The following ARHGEF1 variants were observed in gnomAD, a reference collection of about 807,000 sequenced individuals.
ARHGEF1 encodes 115 kDa guanine nucleotide exchange factor.
In ARHGEF1, 40 loss-of-function variants were observed where a neutral mutation model predicts 119.7. That is an observed-to-expected ratio of 0.33 (90% confidence interval 0.26 to 0.44). The LOEUF is 0.44. Ranked by LOEUF, ARHGEF1 falls within the 20% of genes least tolerant of loss-of-function variation. The pLI is 1.00. For synonymous variants in ARHGEF1, 494 were observed against 521.0 expected, an observed-to-expected ratio of 0.95 and a Z score of 0.71; for missense variants, 976 against 1,268.3, an observed-to-expected ratio of 0.77 and a Z score of 3.50.
At chr19:41,908,559 G>A (rs1478484740), downstream of ARHGEF1, 1 of 1,231,866 alleles carries the variant, frequency 8.1e-7, no homozygotes, top group Non-Finnish European at 1.0e-6. The surrounding 1 kb of genome is among the most constrained non-coding windows in gnomAD (Gnocchi z 6.7). Flanking sequence ...GGGGTAGAGA[G>A]AGGGAGGCAG....
At chr19:41,920,040 C>T (rs528988207), upstream of ARHGEF1, among the ~76,000 whole-genome samples, 55 of 128,762 alleles carry the variant, frequency 4.3e-4, no homozygotes, top group African/African-American at 1.3e-3. Context: ...AGACATGATA[C>T]GCTCACAGAC....
chr19:41,909,189 G>GT (rs2074738554), downstream of ARHGEF1: 3 of 1,231,598 alleles, frequency 2.4e-6, no homozygotes, highest in South Asian at 8.2e-5. This position sits in a 1 kb window ranked among gnomAD's most constrained non-coding sequence, Gnocchi z 5.2. Flanking sequence ...TAGAGAGGGA[G>GT]TGGGAGAAGC....
downstream of ARHGEF1, chr19:41,910,002 C>G (rs1414146470): frequency 6.2e-7 from 1 of 1,613,674 alleles, no homozygotes; most frequent in Non-Finnish European, 8.5e-7. This position sits in a 1 kb window ranked among gnomAD's most constrained non-coding sequence, Gnocchi z 4.4. Context: ...TGGTACTCCT[C>G]CTTCTGCAGC....
At chr19:41,898,635 C>G (rs1555848490) in intron 14 of ARHGEF1, 48 bp downstream of exon 14, 3 of 1,537,048 alleles carry the variant, frequency 2.0e-6, no homozygotes, top group Non-Finnish European at 2.6e-6. Context: ...CACAGTCCAG[C>G]TCTGGCAAAG....
At chr19:41,900,516 A>G (rs1014599494) in intron 14 of ARHGEF1, among the ~76,000 whole-genome samples, 1 of 152,120 alleles carries the variant, frequency 6.6e-6, no homozygotes, top group Non-Finnish European at 1.5e-5. Context: ...GGGGACTTCT[A>G]GGGCCCCTGA....
rs782010219 is a variant in ARHGEF1 at position 41,888,152 on chromosome 19, G to A, written c.25-40G>A. ...GTGAGGCGACTCTGGGGCTGTGGGT[G>A]GAGAGTCCTGTGGACTGAAGCTGCC... On this transcript the variant is annotated intron_variant, in intron 2 of 28. Coordinates refer to ENST00000354532, the MANE Select transcript of ARHGEF1 (RefSeq NM_004706.4). This position sits in a 1 kb window ranked among gnomAD's most constrained non-coding sequence, Gnocchi z 5.1. 8 of 1,613,840 alleles carry A rather than the reference G, an allele frequency of 5.0e-6. No homozygotes were observed. The highest frequency in any genetic ancestry group is 2.7e-5 in the African/African-American group (2 of 74,902).
Position 41,893,173 on chromosome 19 carries a change from C to T in ARHGEF1, c.615-101C>T, listed in dbSNP as rs782370868. On this transcript the variant is annotated intron_variant, in intron 7 of 28. Coordinates refer to ENST00000354532, the MANE Select transcript of ARHGEF1 (RefSeq NM_004706.4). ...ACAGTGTCCCCTCTCTGTCTCTCTT[C>T]CCCCTGCCTATCCCAGGACAGCAAC... The T allele has an allele frequency of 2.7e-6, 4 of 1,497,116 alleles. No individual in the cohort carries two copies. In the South Asian group the frequency reaches 4.9e-5, roughly 18 times the overall value. 92.7% of individuals were successfully genotyped at this position (1,497,116 alleles called of 1,614,324 possible). A position where few individuals can be genotyped will look rare whatever the true frequency, so the allele number is the denominator to read the frequency against.
chr19:41,894,123 A>AGAGTGTGTGTGAGT lies in ARHGEF1; in HGVS notation c.645-83_645-82insAGTGTGTGTGAGTG, dbSNP rs1555846909. The AGAGTGTGTGTGAGT allele has an allele frequency of 4.6e-6, 3 of 648,250 alleles. No individual in the cohort carries two copies. The African/African-American group carries it at 1.1e-4, about 23-fold the overall frequency. 40.2% of individuals were successfully genotyped at this position (648,250 alleles called of 1,614,324 possible). ...TCTGCCTCTAGGGGGAGAGAGAGAG[A>AGAGTGTGTGTGAGT]GTGTGTGTGTGAGTGTGTGTGTGTG... On this transcript the variant is annotated intron_variant, in intron 8 of 28. Coordinates refer to ENST00000354532, the MANE Select transcript of ARHGEF1 (RefSeq NM_004706.4).
At chr19:41,914,574 C>CCTCCCCTTCCACCATCTCT (rs1568831580) in intron 18 of ARHGEF1, among the ~76,000 whole-genome samples, 2 of 17,932 alleles carry the variant, frequency 1.1e-4, no homozygotes, top group Non-Finnish European at 2.3e-4. Context: ...TCTCTGTCTC[C>CCTCCCCTTCCACCATCTCT]GTCTCTCCCT....
In ARHGEF1 at chr19:41,906,072, C is replaced by T. The variant is rs782049156; in HGVS notation, c.2491+47C>T. The T allele has an allele frequency of 3.2e-6, 5 of 1,542,126 alleles. No individual in the cohort carries two copies. The highest frequency in any genetic ancestry group is 1.4e-5 in the African/African-American group (1 of 73,312). On this transcript the variant is annotated intron_variant, in intron 26 of 28. Transcript: ENST00000354532. This position sits in a 1 kb window ranked among gnomAD's most constrained non-coding sequence, Gnocchi z 4.5. ...AGGGTGGCCACCAGCCCAAACAGTG[C>T]CTCTGTTCCAACTAGAACAAGGCTC...
At chr19:41,912,615 C>T (rs78069599) in intron 18 of ARHGEF1, among the ~76,000 whole-genome samples, 4,089 of 152,346 alleles carry the variant, frequency 0.027, 186 homozygotes, top group African/African-American at 0.093. Context: ...CACTCACTTC[C>T]GTACCCTCCC....
rs141918053 is a variant in ARHGEF1 at position 41,903,335 on chromosome 19, G to C, written c.1767G>C (p.Glu589Asp). Residue 589 changes from glutamate (E) to aspartate (D), a missense_variant, in exon 19 of 29, where the codon GAG (glutamate) becomes GAC (aspartate). Glu to Asp is a conservative substitution (Grantham distance 45). Around this residue, in one of 3 missense-constraint regions of ARHGEF1, gnomAD observed 286 missense variants for 506.8 expected, o/e 0.56. Transcript: ENST00000354532. This position sits in a 1 kb window ranked among gnomAD's most constrained non-coding sequence, Gnocchi z 4.2. Reference protein sequence around the residue: ...TEEPTEREKVELAAECCREIL... With the variant: ...TEEPTEREKVDLAAECCREIL... ...AGCCCACAGAACGGGAGAAAGTGGA[G>C]CTGGCAGCCGAGTGCTGCCGGGAAA... is the stretch of plus-strand genomic sequence containing the variant. The C allele has an allele frequency of 5.7e-5, 92 of 1,613,828 alleles. No individual in the cohort carries two copies. Among genetic ancestry groups the C allele is most frequent in the Non-Finnish European group, 7.4e-5 (87 of 1,180,024 alleles).
Position 41,895,290 on chromosome 19 carries a change from G to A in ARHGEF1, c.878-59G>A, listed in dbSNP as rs1028568915. On this transcript the variant is annotated intron_variant, in intron 11 of 28. Coordinates refer to ENST00000354532, the MANE Select transcript of ARHGEF1 (RefSeq NM_004706.4). ...GCACAGCCTCTTGCATCCCCTGGCG[G>A]TTGTGGATTTGAGTTACTGTTCTCT... 3.9e-6 allele frequency: 6 copies of A among 1,549,336 alleles called. No individual in the cohort carries two copies. The African/African-American group carries it at 6.8e-5, about 17-fold the overall frequency.
At chr19:41,884,267 G>C in intron 1 of ARHGEF1, 2 of 707,038 alleles carry the variant, frequency 2.8e-6, no homozygotes, top group South Asian at 1.9e-5. Context: ...TCTGGCCTGC[G>C]TGGCGCAGTA....
intron 18 of ARHGEF1, among the ~76,000 whole-genome samples, chr19:41,915,772 C>T (rs992546339): frequency 1.3e-5 from 2 of 152,302 alleles, no homozygotes; most frequent in South Asian, 2.1e-4. Flanking sequence ...CTGCCCCTGG[C>T]GCCCCCCTGG....
intron 12 of ARHGEF1, 112 bp from the exon 13 acceptor site, chr19:41,896,265 T>G (rs2074483476): frequency 3.9e-6 from 2 of 511,350 alleles, no homozygotes; most frequent in Non-Finnish European, 6.9e-6. Flanking sequence ...AGCAGCCATG[T>G]GGTGTCTGCC....
Position 41,894,260 on chromosome 19 carries a change from C to T in ARHGEF1, c.698C>T (p.Thr233Ile). ...GLYMRHLGVRTKSGDKKSGRN... is the reference protein window; with the variant it reads ...GLYMRHLGVRIKSGDKKSGRN... Reference sequence around the variant, plus strand: ...TACATGCGCCACCTTGGGGTGCGGACCAAGAGTGGAGACAAGAAGTCGGGG... The same window carrying T: ...TACATGCGCCACCTTGGGGTGCGGATCAAGAGTGGAGACAAGAAGTCGGGG... Residue 233 changes from threonine to isoleucine, a missense_variant, in exon 9 of 29, where the codon ACC (threonine) becomes ATC (isoleucine). Physicochemically the swap from Thr to Ile is moderately conservative, Grantham distance 89. Transcript: ENST00000354532. 6.4e-7 allele frequency: 1 copy of T among 1,572,738 alleles called. No individual in the cohort carries two copies. The highest frequency in any genetic ancestry group is 8.7e-7 in the Non-Finnish European group (1 of 1,154,702).
At chr19:41,927,155 G>GAGAGAC (rs1412876725) in intron 1 of ARHGEF1, among the ~76,000 whole-genome samples, 1 of 152,296 alleles carries the variant, frequency 6.6e-6, no homozygotes, top group South Asian at 2.1e-4. Flanking sequence ...GAGATGCTGT[G>GAGAGAC]AGAGACAGAG....
intron 1 of ARHGEF1, among the ~76,000 whole-genome samples, chr19:41,925,913 G>A (rs1438213010): frequency 2.6e-5 from 4 of 152,020 alleles, no homozygotes; most frequent in African/African-American, 9.7e-5. Context: ...GGTGGGGGCA[G>A]GCCTTACCTG....
Sources: allele counts gnomAD v4.1 joint callset (sites outside exome capture counted in the v4.1 genomes callset), GRCh38; gene constraint gnomAD v4.1.1; regional missense constraint gnomAD v4.1.1; non-coding constraint Gnocchi (gnomAD v3.1); transcripts MANE v1.5; gene names NCBI Gene and HGNC (gene_info 2026-07-23, HGNC 2026-07-21).